COPS2: variants seen among roughly 807,000 people sequenced by gnomAD.
The protein encoded by COPS2 is COP9 signalosome subunit 2, also known as COP9 signalosome complex subunit 2.
In COPS2, 10 loss-of-function variants were observed where a neutral mutation model predicts 66.1. The observed-to-expected ratio is 0.15, with a 90% CI of 0.09 to 0.26. COPS2 has a LOEUF of 0.26. Ranked by LOEUF, COPS2 falls within the 10% of genes least tolerant of loss-of-function variation. The pLI is 1.00. For missense variants in COPS2, 215 were observed against 513.3 expected (o/e 0.42, Z 5.62); for synonymous variants, 179 against 171.3 (o/e 1.04, Z -0.35).
Position 49,127,884 on chromosome 15 carries a change from C to T in COPS2, c.*66G>A. On this transcript the variant is annotated 3_prime_UTR_variant, in exon 13 of 13. Coordinates refer to ENST00000388901, the MANE Select transcript of COPS2 (RefSeq NM_004236.4). ...CAACCGACAGTAGTTTTGCCATTCC[C>T]AGTTCTTTTAAGGATTACATCTCTG... The T allele has an allele frequency of 1.3e-6, 2 of 1,492,968 alleles. No homozygotes were observed. Among genetic ancestry groups the T allele is most frequent in the East Asian group, 2.4e-5 (1 of 42,398 alleles). The allele number at this position is 1,492,968 out of a possible 1,614,324, so 92.5% of individuals were successfully genotyped here.
intron 9 of COPS2, among the ~76,000 whole-genome samples, chr15:49,132,760 C>T (rs1341274461): frequency 2.0e-5 from 3 of 151,932 alleles, no homozygotes; most frequent in Non-Finnish European, 4.4e-5. Context: ...AGGAAAGTTT[C>T]TCTTACTCAC....
chr15:49,125,808 A>G lies in COPS2; in HGVS notation c.*2142T>C, dbSNP rs1275615371. On this transcript the variant is annotated 3_prime_UTR_variant, in exon 13 of 13. Coordinates refer to ENST00000388901, the MANE Select transcript of COPS2 (RefSeq NM_004236.4). ...GGTATAACTTTGGATACTGTTATAT[A>G]TTTAGCCCAGTTTTCCAAATAACAA... The G allele has an allele frequency of 6.6e-6, 1 of 152,136 alleles. No individual in the cohort carries two copies. Among genetic ancestry groups the G allele is most frequent in the East Asian group, 1.9e-4 (1 of 5,204 alleles). The allele number at this position is 152,136 out of a possible 1,614,324, so 9.4% of individuals were successfully genotyped here.
chr15:49,138,684 T>A (rs1008275011), intron 4 of COPS2, among the ~76,000 whole-genome samples: 1 of 152,132 alleles, frequency 6.6e-6, no homozygotes, highest in African/African-American at 2.4e-5. Flanking sequence ...ACATAAAATT[T>A]AAATGTAAAG....
rs115466919 is a variant in COPS2, at chr15:49,130,625, A to C, written c.1045+94T>G. On this transcript the variant is annotated intron_variant, in intron 10 of 12. Coordinates refer to ENST00000388901, the MANE Select transcript of COPS2 (RefSeq NM_004236.4). ...TATCTATACTTTGCAATAGACAGAAAGAAAACAGCTTAATGCCATGCAGCT... is the reference window on the plus strand; with the variant it reads ...TATCTATACTTTGCAATAGACAGAACGAAAACAGCTTAATGCCATGCAGCT... 1,287 of 677,920 alleles carry C rather than the reference A, an allele frequency of 1.9e-3. 13 individuals are homozygous for C. In the African/African-American group the frequency reaches 0.021, roughly 11 times the overall value. The allele number at this position is 677,920 out of a possible 1,614,324, so 42.0% of individuals were successfully genotyped here. A position where few individuals can be genotyped will look rare whatever the true frequency, so the allele number is the denominator to read the frequency against.
intron 12 of COPS2, 85 bp downstream of exon 12, chr15:49,128,617 C>T: frequency 1.1e-6 from 1 of 949,244 alleles, no homozygotes. Context: ...TATGAATAAT[C>T]AAGAATCCAA....
rs765815152 is a variant in COPS2, at chr15:49,144,986, C to T, written c.147G>A (p.Ala49=). ...AAACCTTTTGGAAACTGCTTAATGC[C>T]GCTTTTGGGTCATCTTCTTTTAATG... ...SKALKEDDPK[A]ALSSFQKVLE... Residue 49 remains alanine, a synonymous_variant, in exon 2 of 13, where the codon GCG becomes GCA. Transcript: ENST00000388901. The T allele has an allele frequency of 1.2e-5, 19 of 1,585,982 alleles. No homozygotes were observed. The highest frequency in any genetic ancestry group is 9.1e-5 in the East Asian group (4 of 43,858).
rs1032014384 is a variant in COPS2, at chr15:49,124,818, T to C, written c.*3132A>G. On this transcript the variant is annotated 3_prime_UTR_variant, in exon 13 of 13. Coordinates refer to ENST00000388901, the MANE Select transcript of COPS2 (RefSeq NM_004236.4). ...TTTAAAAGTGACTAAAATAATATTT[T>C]AAAAAATCCTTAGTAAATTAATGAT... The C allele has an allele frequency of 1.3e-5, 2 of 152,238 alleles. No homozygotes were observed. Among genetic ancestry groups the C allele is most frequent in the East Asian group, 3.9e-4 (2 of 5,186 alleles). 9.4% of individuals were successfully genotyped at this position (152,238 alleles called of 1,614,324 possible).
intron 1 of COPS2, among the ~76,000 whole-genome samples, chr15:49,155,090 A>G (rs2084409416): frequency 6.6e-6 from 1 of 152,190 alleles, no homozygotes; most frequent in Non-Finnish European, 1.5e-5. Flanking sequence ...CCGTTTTCTG[A>G]CTTCTCCTAG....
At position 49,125,865 on chromosome 15, in the gene COPS2, G is replaced by A. The variant is rs766835675; in HGVS notation, c.*2085C>T. ...GCTTTCTCTCTAGAAAGTGGAAGATGCACTATTGTACAAAGCAAAGATAGC... is the reference window on the plus strand; with the variant it reads ...GCTTTCTCTCTAGAAAGTGGAAGATACACTATTGTACAAAGCAAAGATAGC... On this transcript the variant is annotated 3_prime_UTR_variant, in exon 13 of 13. Coordinates refer to ENST00000388901, the MANE Select transcript of COPS2 (RefSeq NM_004236.4). The A allele has an allele frequency of 6.6e-6, 1 of 152,096 alleles. No individual in the cohort carries two copies. Among genetic ancestry groups the A allele is most frequent in the Non-Finnish European group, 1.5e-5 (1 of 67,946 alleles). 9.4% of individuals were successfully genotyped at this position (152,096 alleles called of 1,614,324 possible).
intron 1 of COPS2, among the ~76,000 whole-genome samples, chr15:49,154,944 G>C (rs991772890): frequency 3.3e-5 from 5 of 152,004 alleles, no homozygotes; most frequent in African/African-American, 1.2e-4. Flanking sequence ...CTTTTTTTCA[G>C]TTATCTTTGC....
chr15:49,139,430 A>T, intron 4 of COPS2, 98 bp downstream of exon 4: 2 of 938,042 alleles, frequency 2.1e-6, no homozygotes, highest in South Asian at 3.1e-5. Context: ...ACAACTACTT[A>T]AATAGAAGCT....
rs2084166986 is a variant in COPS2 at position 49,126,396 on chromosome 15, CTTGTTTTAAGT to C, written c.*1543_*1553del. 6.6e-6 allele frequency: 1 copy of C among 152,194 alleles called. No homozygotes were observed. Among genetic ancestry groups the C allele is most frequent in the Non-Finnish European group, 1.5e-5 (1 of 67,878 alleles). 9.4% of individuals were successfully genotyped at this position (152,194 alleles called of 1,614,324 possible). On this transcript the variant is annotated 3_prime_UTR_variant, in exon 13 of 13. Coordinates refer to ENST00000388901, the MANE Select transcript of COPS2 (RefSeq NM_004236.4). ...TTTTGACAAAACCGAATAAGCATGC[CTTGTTTTAAGT>C]CCATGCTCCTTCCACTGTTTATAAA...
intron 4 of COPS2, among the ~76,000 whole-genome samples, chr15:49,139,100 A>T (rs571219150): frequency 6.6e-6 from 1 of 152,290 alleles, no homozygotes; most frequent in South Asian, 2.1e-4. Flanking sequence ...CCTGTTGAGT[A>T]ATGCCAAACA....
Position 49,128,805 on chromosome 15 carries a change from T to C in COPS2, c.1129-45A>G, listed in dbSNP as rs180697425. The C allele has an allele frequency of 4.0e-6, 5 of 1,240,268 alleles. No individual in the cohort carries two copies. The Admixed American group carries it at 8.5e-5, about 21-fold the overall frequency. The allele number at this position is 1,240,268 out of a possible 1,614,324, so 76.8% of individuals were successfully genotyped here. The stretch of plus-strand genomic sequence containing the variant: ...ATATACCAATTAACATTTTAAAGAC[T>C]TCATAATTTTACACAATCATTCTAA... On this transcript the variant is annotated intron_variant, in intron 11 of 12. Coordinates refer to ENST00000388901, the MANE Select transcript of COPS2 (RefSeq NM_004236.4).
intron 3 of COPS2, among the ~76,000 whole-genome samples, chr15:49,140,531 T>C (rs904196145): frequency 2.0e-5 from 3 of 152,164 alleles, no homozygotes; most frequent in South Asian, 2.1e-4. Context: ...AAAGTAGATA[T>C]AGTAAATGTT....
intron 1 of COPS2, among the ~76,000 whole-genome samples, chr15:49,151,775 A>C (rs987840274): frequency 6.6e-6 from 1 of 150,912 alleles, no homozygotes; most frequent in Non-Finnish European, 1.5e-5. Flanking sequence ...ATGATCATGC[A>C]TGTATGTTGA....
At chr15:49,147,478 TA>T (rs2084329021) in intron 1 of COPS2, among the ~76,000 whole-genome samples, 1 of 152,146 alleles carries the variant, frequency 6.6e-6, no homozygotes, top group Non-Finnish European at 1.5e-5. Flanking sequence ...GTAGGACTAG[TA>T]TTTTGGAGCT....
rs1163669698 is a variant in COPS2 at position 49,126,305 on chromosome 15, A to T, written c.*1645T>A. Reference sequence around the variant, plus strand: ...TTTAGTCTGCTAAAGACATTAACTGATTGCTTTTCTAAATCTAAGGATTAT... The same window carrying T: ...TTTAGTCTGCTAAAGACATTAACTGTTTGCTTTTCTAAATCTAAGGATTAT... On this transcript the variant is annotated 3_prime_UTR_variant, in exon 13 of 13. Coordinates refer to ENST00000388901, the MANE Select transcript of COPS2 (RefSeq NM_004236.4). 6.6e-6 allele frequency: 1 copy of T among 152,440 alleles called. No homozygotes were observed. The highest frequency in any genetic ancestry group is 1.5e-5 in the Non-Finnish European group (1 of 67,930). The allele number at this position is 152,440 out of a possible 1,614,324, so 9.4% of individuals were successfully genotyped here.
intron 1 of COPS2, among the ~76,000 whole-genome samples, chr15:49,145,371 T>C (rs17394970): frequency 0.19 from 28,372 of 152,092 alleles, 2,802 homozygotes; most frequent in Non-Finnish European, 0.21. Context: ...TGCAACCTAA[T>C]ATTGGTTAAT....
Sources: gnomAD v4.1 joint callset for allele counts (sites outside exome capture counted in the v4.1 genomes callset) on GRCh38, gnomAD v4.1.1 for gene constraint, MANE v1.5 for transcripts, NCBI Gene and HGNC (gene_info 2026-07-23, HGNC 2026-07-21) for gene names.